The following COL4A4 variants were observed in gnomAD, a reference collection of about 807,000 sequenced individuals.
COL4A4 encodes the protein collagen type IV alpha 4 chain, also known as collagen alpha-4(IV) chain.
In COL4A4, 105 loss-of-function variants were observed where a neutral mutation model predicts 192.9. That is an observed-to-expected ratio of 0.54 (90% CI 0.46 to 0.64). The LOEUF is 0.64. Among genes scored for constraint, COL4A4 ranks in the 30% least tolerant of loss-of-function variants. The probability of loss-of-function intolerance (pLI) is 0.00; values close to 1 mark genes in which losing one functional copy is unlikely to be tolerated. For synonymous variants in COL4A4, 762 were observed against 769.9 expected (o/e 0.99, Z 0.17); for missense variants, 1,967 against 2,169.3 (o/e 0.91, Z 1.85).
At chr2:227,102,657 C>T (rs1334513387) in intron 15 of COL4A4, 132 bp downstream of exon 15, 17 of 781,846 alleles carry the variant, frequency 2.2e-5, no homozygotes, top group Admixed American at 7.6e-5. Context: ...CCATAATTCT[C>T]GTCCAAAATG....
At chr2:227,108,188 G>A (rs1482885174) in intron 12 of COL4A4, among the ~76,000 whole-genome samples, 1 of 152,124 alleles carries the variant, frequency 6.6e-6, no homozygotes, top group Non-Finnish European at 1.5e-5. Context: ...ATTGTGTATT[G>A]CTCAGTGCTC....
chr2:227,115,943 C>T (rs756759651), intron 7 of COL4A4, among the ~76,000 whole-genome samples: 8 of 152,160 alleles, frequency 5.3e-5, no homozygotes, highest in Non-Finnish European at 7.3e-5. Flanking sequence ...GCCCACAAAT[C>T]GCTATATAAA....
rs1056798464 is a variant in COL4A4, at chr2:227,041,632, C to G, written c.3505+516G>C. Reference sequence around the variant, plus strand: ...CTCCAGCCTGGGTGACAGAGCAAGACACCATCAAAAAAAAAGAAAAAAGAA... The same window carrying G: ...CTCCAGCCTGGGTGACAGAGCAAGAGACCATCAAAAAAAAAGAAAAAAGAA... On this transcript the variant is annotated intron_variant, in intron 37 of 47. Coordinates refer to ENST00000396625, the MANE Select transcript of COL4A4 (RefSeq NM_000092.5). Among the ~76,000 whole-genome samples, 9 of 126,488 alleles carry G rather than the reference C, an allele frequency of 7.1e-5. No homozygotes were observed. In the East Asian group the frequency reaches 1.1e-3, roughly 16 times the overall value. The allele number at this position is 126,488 out of a possible 152,430, so 83.0% of individuals were successfully genotyped here.
intron 41 of COL4A4, among the ~76,000 whole-genome samples, chr2:227,028,371 CA>C (rs1967469796): frequency 6.6e-6 from 1 of 152,132 alleles, no homozygotes; most frequent in Non-Finnish European, 1.5e-5. Context: ...CGAGTTCAAC[CA>C]CTCTCCTCCT....
intron 22 of COL4A4, among the ~76,000 whole-genome samples, chr2:227,082,876 A>G (rs1348604988): frequency 1.3e-5 from 2 of 152,208 alleles, no homozygotes; most frequent in African/African-American, 4.8e-5. Flanking sequence ...TCAAATCTGA[A>G]TAATTTGAGT....
At chr2:227,155,996 G>T (rs758630127) in intron 1 of COL4A4, among the ~76,000 whole-genome samples, 1 of 151,894 alleles carries the variant, frequency 6.6e-6, no homozygotes, top group East Asian at 1.9e-4. Flanking sequence ...GGTGCCTACC[G>T]CAATGCCTGG....
At chr2:227,107,647 A>G (rs1393937806) in intron 12 of COL4A4, among the ~76,000 whole-genome samples, 1 of 152,128 alleles carries the variant, frequency 6.6e-6, no homozygotes, top group Non-Finnish European at 1.5e-5. Flanking sequence ...CTAGCTTGGC[A>G]TGGAGCAGAT....
chr2:227,058,401 G>C (rs1238187272), intron 28 of COL4A4, among the ~76,000 whole-genome samples: 1 of 152,144 alleles, frequency 6.6e-6, no homozygotes, highest in African/African-American at 2.4e-5. Context: ...TCACAAGTGA[G>C]ATAGTCGGAT....
intron 37 of COL4A4, among the ~76,000 whole-genome samples, chr2:227,038,478 T>C (rs1970140136): frequency 6.6e-6 from 1 of 152,226 alleles, no homozygotes; most frequent in Non-Finnish European, 1.5e-5. Context: ...AGCCTTGTAC[T>C]ATAGTTTGAA....
At chr2:227,074,269 T>C (rs906394478) in intron 25 of COL4A4, among the ~76,000 whole-genome samples, 9 of 151,838 alleles carry the variant, frequency 5.9e-5, no homozygotes, top group African/African-American at 1.9e-4. Flanking sequence ...CAAAGTAAGA[T>C]AAACAAATGG....
In COL4A4 at chr2:227,051,094, T is replaced by C. The variant is rs2150182461; in HGVS notation, c.3033A>G (p.Gly1011=). The C allele has an allele frequency of 6.2e-7, 1 of 1,614,132 alleles. No individual in the cohort carries two copies. The highest frequency in any genetic ancestry group is 8.5e-7 in the Non-Finnish European group (1 of 1,179,994). Residue 1011 remains glycine, a synonymous_variant, in exon 33 of 48, where the codon GGA becomes GGG. Coordinates refer to ENST00000396625, the MANE Select transcript of COL4A4 (RefSeq NM_000092.5). ...TCTCACCAGGTTCCCCTCTGTGAAA[T>C]CCAGGTGGTCCGTATCTTCCCGGCT... ...RGEPGRYGPP[G]FHRGEPGEKG... is the part of the protein sequence containing the mutation.
At chr2:227,063,311 C>T (rs561802158) in intron 25 of COL4A4, among the ~76,000 whole-genome samples, 11 of 152,214 alleles carry the variant, frequency 7.2e-5, no homozygotes, top group African/African-American at 2.4e-4. Flanking sequence ...GTTCCTGTAT[C>T]CTAAAATGGA....
chr2:227,061,471 G>C (rs751935765), intron 26 of COL4A4, among the ~76,000 whole-genome samples: 3 of 152,160 alleles, frequency 2.0e-5, no homozygotes, highest in Non-Finnish European at 2.9e-5. Context: ...CTTGCAATGA[G>C]ATGCATGTTG....
intron 26 of COL4A4, among the ~76,000 whole-genome samples, chr2:227,062,201 C>T (rs1372987300): frequency 1.3e-5 from 2 of 149,382 alleles, no homozygotes; most frequent in Non-Finnish European, 3.0e-5. Context: ...CACACCACTA[C>T]ACTCCAGCCC....
chr2:227,028,824 T>G (rs192481203), intron 41 of COL4A4, among the ~76,000 whole-genome samples: 36 of 151,872 alleles, frequency 2.4e-4, no homozygotes, highest in Non-Finnish European at 3.7e-4. Context: ...CCCAGATAAT[T>G]TTTTAATTTT....
At chr2:227,053,801 C>T (rs1974697201) in intron 31 of COL4A4, among the ~76,000 whole-genome samples, 1 of 152,026 alleles carries the variant, frequency 6.6e-6, no homozygotes, top group African/African-American at 2.4e-5. Context: ...CCGTCTCGGC[C>T]TCCCAAAGTG....
intron 44 of COL4A4, among the ~76,000 whole-genome samples, chr2:227,018,323 T>G (rs530749735): frequency 6.6e-6 from 1 of 152,244 alleles, no homozygotes; most frequent in South Asian, 2.1e-4. Context: ...AAAAAATACC[T>G]TCAGGAAATG....
intron 4 of COL4A4, among the ~76,000 whole-genome samples, chr2:227,132,506 T>G (rs1357613188): frequency 3.3e-5 from 5 of 152,228 alleles, no homozygotes; most frequent in African/African-American, 1.2e-4. Context: ...ACGAGTGCAG[T>G]GGCTCTTGCC....
chr2:227,025,293 C>T (rs999607024), intron 43 of COL4A4, among the ~76,000 whole-genome samples: 1 of 152,150 alleles, frequency 6.6e-6, no homozygotes, highest in Admixed American at 6.5e-5. Context: ...ATTGTTTTTG[C>T]ACTGCAGAGC....
Sources: gnomAD v4.1 joint callset for allele counts (sites outside exome capture counted in the v4.1 genomes callset) on GRCh38, gnomAD v4.1.1 for gene constraint, MANE v1.5 for transcripts, NCBI Gene and HGNC (gene_info 2026-07-23, HGNC 2026-07-21) for gene names.